The following GALNTL6 variants were observed in gnomAD, a reference collection of about 807,000 sequenced individuals.
The protein encoded by GALNTL6 is polypeptide N-acetylgalactosaminyltransferase like 6, also known as polypeptide N-acetylgalactosaminyltransferase-like 6.
A neutral mutation model predicts 73.7 loss-of-function variants in GALNTL6; 46 were observed. That is an observed-to-expected ratio of 0.62 (90% CI 0.49 to 0.80). The LOEUF (loss-of-function observed/expected upper bound fraction) is 0.80. Ranked by LOEUF, GALNTL6 falls within the 30% of genes least tolerant of loss-of-function variation. The pLI is 0.00. For synonymous variants in GALNTL6, 259 were observed against 263.7 expected (o/e 0.98, Z 0.17); for missense variants, 604 against 755.0 (o/e 0.80, Z 2.34).
chr4:172,517,549 G>T (rs1326079217), intron 5 of GALNTL6, among the ~76,000 whole-genome samples: 1 of 152,040 alleles, frequency 6.6e-6, no homozygotes, highest in East Asian at 1.9e-4. Context: ...TGCATCAGTG[G>T]TTTCTATTGT....
chr4:172,627,430 C>T (rs554705969), intron 5 of GALNTL6, among the ~76,000 whole-genome samples: 2 of 151,846 alleles, frequency 1.3e-5, no homozygotes, highest in African/African-American at 4.8e-5. Context: ...TTATGTTTAT[C>T]GGGATGTTGG....
At chr4:171,900,760 G>T (rs1172385189) in intron 2 of GALNTL6, among the ~76,000 whole-genome samples, 1 of 152,110 alleles carries the variant, frequency 6.6e-6, no homozygotes, top group East Asian at 1.9e-4. Context: ...AATTGAGATT[G>T]ATGTTGGTTT....
intron 5 of GALNTL6, among the ~76,000 whole-genome samples, chr4:172,408,696 G>C (rs1189098578): frequency 1.3e-5 from 2 of 151,670 alleles, no homozygotes; most frequent in African/African-American, 2.4e-5. Flanking sequence ...AACTGATGTT[G>C]TTAGTAGGCG....
rs1319495366 is a variant in GALNTL6 at position 172,547,604 on chromosome 4, AT to A, written c.553+198923del. Reference sequence around the variant, plus strand: ...TGAGTAACTCAGCAACCTTTAGATCATTTTTTTTCCTCCTGAAGACAATCTC... The same window carrying A: ...TGAGTAACTCAGCAACCTTTAGATCATTTTTTTCCTCCTGAAGACAATCTC... On this transcript the variant is annotated intron_variant, in intron 5 of 12. Transcript: ENST00000506823. Among the ~76,000 whole-genome samples, 12 of 151,900 alleles carry A rather than the reference AT, an allele frequency of 7.9e-5. No individual in the cohort carries two copies. The East Asian group carries it at 2.1e-3, about 27-fold the overall frequency.
At chr4:172,336,007 T>C (rs1272822164) in intron 4 of GALNTL6, among the ~76,000 whole-genome samples, 2 of 152,126 alleles carry the variant, frequency 1.3e-5, no homozygotes, top group African/African-American at 4.8e-5. Flanking sequence ...TGTTTTTGTT[T>C]TGTTTTCTAG....
intron 5 of GALNTL6, among the ~76,000 whole-genome samples, chr4:172,437,268 A>T (rs2111394148): frequency 6.6e-6 from 1 of 152,270 alleles, no homozygotes; most frequent in Non-Finnish European, 1.5e-5. Context: ...CATAGTACTT[A>T]AAACTGAACA....
At chr4:172,934,101 G>A (rs901323257) in intron 9 of GALNTL6, among the ~76,000 whole-genome samples, 22 of 152,168 alleles carry the variant, frequency 1.4e-4, no homozygotes, top group African/African-American at 5.3e-4. Context: ...ATCCATATAT[G>A]AAACCATTAG....
rs1444244759 is a variant in GALNTL6, at chr4:172,606,687, G to GTA, written c.554-202663_554-202662dup. Among the ~76,000 whole-genome samples, 122 of 70,310 alleles carry GTA rather than the reference G, an allele frequency of 1.7e-3. 1 individual carries two copies. Among genetic ancestry groups the GTA allele is most frequent in the African/African-American group, 4.6e-3 (116 of 25,246 alleles). 46.1% of individuals were successfully genotyped at this position (70,310 alleles called of 152,430 possible). A position where few individuals can be genotyped will look rare whatever the true frequency, so the allele number is the denominator to read the frequency against. ...ACTATATATATATACTATATATATA[G>GTA]TATATATATATAGTGTGTATATATA... On this transcript the variant is annotated intron_variant, in intron 5 of 12. Coordinates refer to ENST00000506823, the MANE Select transcript of GALNTL6 (RefSeq NM_001034845.3).
rs74738449 is a variant in GALNTL6, at chr4:172,538,168, T to C, written c.553+189479T>C. Among the ~76,000 whole-genome samples, 1,155 of 152,162 alleles carry C rather than the reference T, an allele frequency of 7.6e-3. 17 individuals are homozygous for C. The highest frequency in any genetic ancestry group is 0.026 in the African/African-American group (1,080 of 41,534). ...AGAAGAGGTAAAATGAACTTCAAGA[T>C]TTCAAACCATGGCCAGGCATGGTGG... On this transcript the variant is annotated intron_variant, in intron 5 of 12. Transcript: ENST00000506823.
rs545501679 is a variant in GALNTL6, at chr4:172,044,703, ACT to A, written c.139-184948_139-184947del. Among the ~76,000 whole-genome samples the A allele has an allele frequency of 4.2e-4, 64 of 152,018 alleles. No individual in the cohort carries two copies. In the East Asian group the frequency reaches 0.012, roughly 28 times the overall value. On this transcript the variant is annotated intron_variant, in intron 2 of 12. Transcript: ENST00000506823. ...TTTTTCATTGTAATTGATTTATTAGACTCTCTAGAGTTATTAATCCTTTGTAA... is the reference window on the plus strand; with the variant it reads ...TTTTTCATTGTAATTGATTTATTAGACTCTAGAGTTATTAATCCTTTGTAA...
At chr4:172,441,332 CAGTT>C (rs892363412) in intron 5 of GALNTL6, among the ~76,000 whole-genome samples, 1 of 152,074 alleles carries the variant, frequency 6.6e-6, no homozygotes, top group African/African-American at 2.4e-5. Flanking sequence ...AAATATTGGA[CAGTT>C]AATCTTTATT....
chr4:172,328,248 G>T (rs1196779030), intron 4 of GALNTL6, among the ~76,000 whole-genome samples: 1 of 152,040 alleles, frequency 6.6e-6, no homozygotes, highest in Non-Finnish European at 1.5e-5. Context: ...AGTTTCTGCT[G>T]AGAGGTCTGC....
chr4:171,935,806 G>A (rs1355468065), intron 2 of GALNTL6, among the ~76,000 whole-genome samples: 1 of 152,040 alleles, frequency 6.6e-6, no homozygotes, highest in Non-Finnish European at 1.5e-5. Context: ...AAATTCCTGG[G>A]CAGGTGTGTA....
At chr4:172,998,991 A>T (rs1751920646) in intron 10 of GALNTL6, among the ~76,000 whole-genome samples, 4 of 3,544 alleles carry the variant, frequency 1.1e-3, no homozygotes, top group East Asian at 0.25. Context: ...TTTAATATTA[A>T]AAAAAAAAAA....
At chr4:172,520,304 G>A (rs900118206) in intron 5 of GALNTL6, among the ~76,000 whole-genome samples, 13 of 151,730 alleles carry the variant, frequency 8.6e-5, no homozygotes, top group African/African-American at 2.7e-4. Flanking sequence ...TTACATTTCT[G>A]AAATAATTGT....
chr4:172,162,957 A>G (rs13110849), intron 2 of GALNTL6, among the ~76,000 whole-genome samples: 67,999 of 151,840 alleles, frequency 0.45, 16,615 homozygotes, highest in African/African-American at 0.65. Flanking sequence ...GCAATACTGC[A>G]ATAGGTGACC....
At chr4:172,163,320 A>G (rs1734528708) in intron 2 of GALNTL6, among the ~76,000 whole-genome samples, 1 of 152,022 alleles carries the variant, frequency 6.6e-6, no homozygotes, top group Non-Finnish European at 1.5e-5. Context: ...TTAGATATAC[A>G]TAGCAACTAT....
intron 5 of GALNTL6, among the ~76,000 whole-genome samples, chr4:172,745,446 T>TATATATATATATACAC (rs34523518): frequency 6.9e-6 from 1 of 145,242 alleles, no homozygotes; most frequent in Non-Finnish European, 1.5e-5. Flanking sequence ...TATATATATG[T>TATATATATATATACAC]ACACATAACT....
At chr4:171,814,792 C>T (rs1405185607) in intron 2 of GALNTL6, 74 bp downstream of exon 2, 2 of 1,498,124 alleles carry the variant, frequency 1.3e-6, no homozygotes, top group Admixed American at 1.7e-5. Flanking sequence ...TCGAGAAAGC[C>T]GGTGTGGGAT....
Sources: gnomAD v4.1 joint callset for allele counts (sites outside exome capture counted in the v4.1 genomes callset) on GRCh38, gnomAD v4.1.1 for gene constraint, MANE v1.5 for transcripts, NCBI Gene and HGNC (gene_info 2026-07-23, HGNC 2026-07-21) for gene names.